DLG2: variants seen among roughly 807,000 people sequenced by gnomAD.
DLG2 encodes the protein discs large MAGUK scaffold protein 2, also known as disks large homolog 2.
Under a neutral mutation model 132.5 loss-of-function variants are expected in DLG2, and 45 were observed. The ratio of observed to expected loss-of-function variants is 0.34; its 90% CI spans 0.27 to 0.44. The LOEUF is 0.44. Ranked by LOEUF, DLG2 falls within the 20% of genes least tolerant of loss-of-function variation. The pLI is 1.00. For synonymous variants in DLG2, 424 were observed against 419.6 expected (o/e 1.01, Z -0.13); for missense variants, 1,045 against 1,196.9 (o/e 0.87, Z 1.87).
chr11:84,675,435 T>C (rs1310497794), intron 6 of DLG2, among the ~76,000 whole-genome samples: 1 of 152,100 alleles, frequency 6.6e-6, no homozygotes, highest in Non-Finnish European at 1.5e-5. Context: ...GATTCGAAGA[T>C]ATTTTTAACA....
intron 25 of DLG2, among the ~76,000 whole-genome samples, chr11:83,467,795 A>G (rs1481639464): frequency 9.1e-6 from 1 of 110,448 alleles, no homozygotes; most frequent in Non-Finnish European, 1.9e-5. Context: ...ATATATATAT[A>G]TATATATATA....
intron 6 of DLG2, among the ~76,000 whole-genome samples, chr11:85,067,858 T>C (rs561884733): frequency 1.3e-5 from 2 of 152,150 alleles, no homozygotes; most frequent in South Asian, 2.1e-4. Context: ...AAAAAGAGAA[T>C]TTTGGACCAA....
chr11:84,351,973 T>C (rs973720878), intron 7 of DLG2, among the ~76,000 whole-genome samples: 3 of 152,214 alleles, frequency 2.0e-5, no homozygotes, highest in African/African-American at 7.2e-5. Context: ...GATGGGATCT[T>C]AAACAAATTT....
chr11:84,687,397 A>T (rs1287796826), intron 6 of DLG2: 4 of 152,164 alleles, frequency 2.6e-5, no homozygotes, highest in African/African-American at 9.7e-5. Context: ...TATTTCTCCA[A>T]ACTCAGTTCT....
chr11:85,014,671 T>C (rs2059421750), intron 6 of DLG2, among the ~76,000 whole-genome samples: 1 of 152,130 alleles, frequency 6.6e-6, no homozygotes. Context: ...AGAGAACTGG[T>C]AAGTAAAATG....
At chr11:84,504,685 T>A (rs530764225) in intron 7 of DLG2, among the ~76,000 whole-genome samples, 8 of 152,264 alleles carry the variant, frequency 5.3e-5, no homozygotes, top group Middle Eastern at 6.8e-3. Flanking sequence ...ATTTTTAACA[T>A]TGAAACCTTC....
intron 19 of DLG2, among the ~76,000 whole-genome samples, chr11:83,546,256 T>C (rs1234905687): frequency 2.0e-5 from 3 of 152,178 alleles, no homozygotes; most frequent in African/African-American, 7.2e-5. Flanking sequence ...AAGCATTTTA[T>C]ATTCATTGTC....
At chr11:84,106,549 C>A (rs1207710355) in intron 9 of DLG2, among the ~76,000 whole-genome samples, 2 of 152,090 alleles carry the variant, frequency 1.3e-5, no homozygotes, top group Non-Finnish European at 2.9e-5. Context: ...CACAATTATA[C>A]AATCTACAGG....
intron 21 of DLG2, among the ~76,000 whole-genome samples, chr11:83,496,603 C>T (rs1474414909): frequency 1.3e-5 from 2 of 152,114 alleles, no homozygotes; most frequent in African/African-American, 4.8e-5. Context: ...TGAAATGCTA[C>T]TCAACAATAA....
intron 6 of DLG2, among the ~76,000 whole-genome samples, chr11:84,765,855 C>T (rs1055980998): frequency 4.0e-5 from 6 of 151,844 alleles, no homozygotes; most frequent in Admixed American, 2.6e-4. Context: ...CCTGCTTGCC[C>T]TCACTAGTAA....
At chr11:83,966,287 C>T (rs2090173918) in intron 12 of DLG2, among the ~76,000 whole-genome samples, 1 of 151,996 alleles carries the variant, frequency 6.6e-6, no homozygotes, top group East Asian at 1.9e-4. Flanking sequence ...CTTCGCCAAA[C>T]CTTGATTTTT....
At chr11:84,361,917 G>T (rs1305218870) in intron 7 of DLG2, among the ~76,000 whole-genome samples, 1 of 151,796 alleles carries the variant, frequency 6.6e-6, no homozygotes, top group Non-Finnish European at 1.5e-5. Context: ...TAGGTAATAA[G>T]CCAATAGTTG....
intron 6 of DLG2, among the ~76,000 whole-genome samples, chr11:85,063,721 G>C (rs1413359125): frequency 6.6e-6 from 1 of 151,618 alleles, no homozygotes; most frequent in Non-Finnish European, 1.5e-5. Context: ...TAAAATCTAG[G>C]CTGTAAAATG....
chr11:84,180,164 G>A (rs988185088), intron 8 of DLG2, among the ~76,000 whole-genome samples: 7 of 152,054 alleles, frequency 4.6e-5, no homozygotes, highest in South Asian at 2.1e-4. Context: ...AAGGACAGAC[G>A]AATAATGTAA....
At chr11:84,124,846 A>AC (rs1291779689) in intron 9 of DLG2, among the ~76,000 whole-genome samples, 9 of 99,312 alleles carry the variant, frequency 9.1e-5, no homozygotes, top group East Asian at 3.4e-4. Flanking sequence ...ACTTGTTTTC[A>AC]CTTTTTTTTT....
chr11:84,086,284 A>G (rs1293743995), intron 10 of DLG2, among the ~76,000 whole-genome samples: 1 of 152,168 alleles, frequency 6.6e-6, no homozygotes, highest in African/African-American at 2.4e-5. Flanking sequence ...AATTTCTTAG[A>G]TTTGTAAATG....
rs1038947267 is a variant in DLG2, at chr11:85,133,880, C to T, written c.282+20676G>A. Among the ~76,000 whole-genome samples, 6 of 152,110 alleles carry T rather than the reference C, an allele frequency of 3.9e-5. No homozygotes were observed. In the East Asian group the frequency reaches 5.8e-4, roughly 15 times the overall value. On this transcript the variant is annotated intron_variant, in intron 5 of 27. Transcript: ENST00000376104. ...TCTAGTAAAGCTGCTACTACATAGACGGCCTTTGAGGTGCTTGACAAGCAT... is the reference window on the plus strand; with the variant it reads ...TCTAGTAAAGCTGCTACTACATAGATGGCCTTTGAGGTGCTTGACAAGCAT...
intron 3 of DLG2, among the ~76,000 whole-genome samples, chr11:85,408,109 C>CT (rs1321225595): frequency 1.3e-5 from 2 of 150,454 alleles, no homozygotes; most frequent in Non-Finnish European, 3.0e-5. Context: ...TTCTGGGCAC[C>CT]TTTTTATCTT....
intron 18 of DLG2, among the ~76,000 whole-genome samples, chr11:83,775,014 A>G (rs909938610): frequency 6.6e-6 from 1 of 151,622 alleles, no homozygotes; most frequent in African/African-American, 2.4e-5. Context: ...TATCCCCCAA[A>G]AGAACAACAA....
Sources: allele counts gnomAD v4.1 joint callset (sites outside exome capture counted in the v4.1 genomes callset), GRCh38; gene constraint gnomAD v4.1.1; transcripts MANE v1.5; gene names NCBI Gene and HGNC (gene_info 2026-07-23, HGNC 2026-07-21).